KCNS1: variants seen among roughly 807,000 people sequenced by gnomAD.
The protein encoded by KCNS1 is delayed-rectifier potassium channel regulatory subunit KCNS1.
In KCNS1, 26 loss-of-function variants were observed where a neutral mutation model predicts 33.1. The ratio of observed to expected loss-of-function variants is 0.79; its 90% CI spans 0.58 to 1.09. The LOEUF (loss-of-function observed/expected upper bound fraction) is 1.09, where lower values mean the gene tolerates loss of function less well. Ranked by LOEUF, KCNS1 falls within the 50% of genes least tolerant of loss-of-function variation. The probability of loss-of-function intolerance (pLI) is 0.00; values close to 1 mark genes in which losing one functional copy is unlikely to be tolerated. For synonymous variants in KCNS1, 299 were observed against 338.8 expected (o/e 0.88, Z 1.29); for missense variants, 702 against 752.4 (o/e 0.93, Z 0.78).
In KCNS1 at chr20:45,091,898, A is replaced by T. The variant is rs903815923; in HGVS notation, c.*2972T>A. Among the ~76,000 whole-genome samples, 3 of 152,180 alleles carry T rather than the reference A, an allele frequency of 2.0e-5. No individual in the cohort carries two copies. In the East Asian group the frequency reaches 5.8e-4, roughly 29 times the overall value. ...CCAGAGGGAGGGTGGCCCTGCTGAC[A>T]TCTTGATTTTGGATTTCTGGCCTCC... is the stretch of plus-strand genomic sequence containing the variant. On this transcript the variant is annotated 3_prime_UTR_variant, in exon 4 of 4. Coordinates refer to ENST00000537075, the MANE Select transcript of KCNS1 (RefSeq NM_001322799.2).
chr20:45,099,140 A>G, intron 2 of KCNS1, 21 bp downstream of exon 2: 8 of 1,550,430 alleles, frequency 5.2e-6, no homozygotes, highest in Non-Finnish European at 7.0e-6. Flanking sequence ...TCTTCTGCAA[A>G]ATGAGGATAG....
At chr20:45,100,064 T>C (rs1273984852) in intron 1 of KCNS1, 3 of 152,286 alleles carry the variant, frequency 2.0e-5, no homozygotes, top group African/African-American at 4.8e-5. Flanking sequence ...TGCATCATTA[T>C]TGTGGTATAT....
Position 45,098,055 on chromosome 20 carries a change from G to T in KCNS1, c.717C>A (p.Ile239=), listed in dbSNP as rs1337151442. ...GGGCCTGGTACTCGGGCAGGCTGTG[G>T]ATGCACATGGCGGCGATGGAGGCGA... The part of the protein sequence containing the change: ...VVLASIAAMC[I]HSLPEYQARE... Residue 239 remains isoleucine (I), a synonymous_variant, in exon 3 of 4, where the codon ATC becomes ATA. Coordinates refer to ENST00000537075, the MANE Select transcript of KCNS1 (RefSeq NM_001322799.2). The surrounding 1 kb of genome is among the most constrained non-coding windows in gnomAD (Gnocchi z 5.2). 2 of 1,545,574 alleles carry T rather than the reference G, an allele frequency of 1.3e-6. No homozygotes were observed. Among genetic ancestry groups the T allele is most frequent in the Admixed American group, 2.0e-5 (1 of 50,528 alleles).
At position 45,098,331 on chromosome 20, in the gene KCNS1, C is replaced by T; in HGVS notation, c.441G>A (p.Ala147=). Residue 147 remains alanine, a synonymous_variant, in exon 3 of 4, where the codon GCG becomes GCA. Transcript: ENST00000537075. The surrounding 1 kb of genome is among the most constrained non-coding windows in gnomAD (Gnocchi z 5.2). The stretch of plus-strand genomic sequence containing the variant: ...AGCGCGCGCGGCAGCACGCGGCAAG[C>T]GCGTTCTCGCCTAGGCCCCAGTAGT... ...EADYWGLGEN[A]LAACCRARYL... 15 of 1,571,478 alleles carry T rather than the reference C, an allele frequency of 9.5e-6. No individual in the cohort carries two copies. Among genetic ancestry groups the T allele is most frequent in the Non-Finnish European group, 1.2e-5 (14 of 1,159,830 alleles).
intron 3 of KCNS1, among the ~76,000 whole-genome samples, 179 bp from the exon 4 acceptor site, chr20:45,095,519 A>C (rs1197234838): frequency 6.6e-6 from 1 of 152,212 alleles, no homozygotes; most frequent in African/African-American, 2.4e-5. Context: ...TACAGTTGGC[A>C]GCAAAACCCC....
At chr20:45,097,583 G>A (rs760177139) in intron 3 of KCNS1, 79 bp downstream of exon 3, 6 of 1,392,820 alleles carry the variant, frequency 4.3e-6, no homozygotes, top group South Asian at 1.4e-5. Context: ...GGACTCGGCA[G>A]GCTTGTAAGT....
rs1180560276 is a variant in KCNS1 at position 45,098,197 on chromosome 20, G to C, written c.575C>G (p.Ala192Gly). The C allele has an allele frequency of 5.6e-6, 9 of 1,604,712 alleles. No individual in the cohort carries two copies. Among genetic ancestry groups the C allele is most frequent in the African/African-American group, 2.7e-5 (2 of 74,750 alleles). The stretch of plus-strand genomic sequence containing the variant: ...GCCACAGCGCGCCGCGCCATAGCGC[G>C]CCAGTTCTCGCTGCACGTCGGAGAT... ...DEISDVQREL[A>G]RYGAARCGRL... Residue 192 changes from alanine (A) to glycine (G), a missense_variant, in exon 3 of 4, where the codon GCG becomes GGG. This residue lies in a region of KCNS1 where 374 missense variants were observed against 352.3 expected (regional missense o/e 1.06). Transcript: ENST00000537075. The surrounding 1 kb of genome is among the most constrained non-coding windows in gnomAD (Gnocchi z 5.2).
chr20:45,096,931 G>A (rs551180863), intron 3 of KCNS1, among the ~76,000 whole-genome samples: 30 of 152,278 alleles, frequency 2.0e-4, no homozygotes, highest in African/African-American at 6.7e-4. Flanking sequence ...TCCAGGCCTC[G>A]GCACACGCCG....
In KCNS1 at chr20:45,097,861, G is replaced by T. The variant is rs758213886; in HGVS notation, c.911C>A (p.Pro304Gln). The T allele has an allele frequency of 1.5e-5, 24 of 1,613,192 alleles. No homozygotes were observed. The highest frequency in any genetic ancestry group is 1.9e-5 in the Non-Finnish European group (23 of 1,179,792). The change falls in exon 3 of 4, where the codon CCG (proline) becomes CAG (glutamine). Residue 304 changes from proline to glutamine, a missense_variant. Pro to Gln is a moderately conservative substitution (Grantham distance 76). Coordinates refer to ENST00000537075, the MANE Select transcript of KCNS1 (RefSeq NM_001322799.2). Reference sequence around the variant, plus strand: ...AGACACAATGTCGATGAGGTTGAGCGGGTGGCAGAAGAAGTTGCGCGTACT... The same window carrying T: ...AGACACAATGTCGATGAGGTTGAGCTGGTGGCAGAAGAAGTTGCGCGTACT... ...APSTRNFFCH[P>Q]LNLIDIVSVL...
Position 45,094,628 on chromosome 20 carries a change from C to T in KCNS1, c.*242G>A. ...TCCTTTCAACTTCCTCCCTCTGGCT[C>T]ATGCCTGCTTCATGAATGGCTTGGA... is the stretch of plus-strand genomic sequence containing the variant. On this transcript the variant is annotated 3_prime_UTR_variant, in exon 4 of 4. Transcript: ENST00000537075. 1 of 498,460 alleles carries T rather than the reference C, an allele frequency of 2.0e-6. No individual in the cohort carries two copies. The highest frequency in any genetic ancestry group is 1.9e-5 in the African/African-American group (1 of 52,014). The allele number at this position is 498,460 out of a possible 1,614,324, so 30.9% of individuals were successfully genotyped here. A position where few individuals can be genotyped will look rare whatever the true frequency, so the allele number is the denominator to read the frequency against.
Position 45,098,154 on chromosome 20 carries a change from G to C in KCNS1, c.618C>G (p.Leu206=), listed in dbSNP as rs1396398188. 6.3e-7 allele frequency: 1 copy of C among 1,598,230 alleles called. No individual in the cohort carries two copies. The change falls in exon 3 of 4, where the codon CTC becomes CTG. Residue 206 remains leucine (L), a synonymous_variant. Transcript: ENST00000537075. The surrounding 1 kb of genome is among the most constrained non-coding windows in gnomAD (Gnocchi z 5.2). The part of the protein sequence containing the change: ...AARCGRLRRR[L]WLTMENPGYS... ...AGCCCGGGTTCTCCATGGTCAGCCA[G>C]AGGCGGCGGCGCAGGCGGCCACAGC...
intron 1 of KCNS1, chr20:45,100,486 A>G (rs1981356278): frequency 6.6e-6 from 1 of 152,226 alleles, no homozygotes; most frequent in Non-Finnish European, 1.5e-5. Context: ...AGGATAATTA[A>G]TTCAACAAAC....
intron 1 of KCNS1, among the ~76,000 whole-genome samples, chr20:45,100,682 G>A (rs910146090): frequency 5.9e-5 from 9 of 152,070 alleles, no homozygotes; most frequent in African/African-American, 1.9e-4. Context: ...CACCTCACTC[G>A]GTTTAATCCC....
At chr20:45,099,268 C>T (rs1194804869) in intron 1 of KCNS1, 29 bp from the exon 2 acceptor site, 2 of 1,185,122 alleles carry the variant, frequency 1.7e-6, no homozygotes, top group Admixed American at 4.0e-5. Context: ...TGCAAATTCT[C>T]AGCCTGCCAT....
rs1230232113 is a variant in KCNS1 at position 45,092,009 on chromosome 20, C to T, written c.*2861G>A. On this transcript the variant is annotated 3_prime_UTR_variant, in exon 4 of 4. Coordinates refer to ENST00000537075, the MANE Select transcript of KCNS1 (RefSeq NM_001322799.2). ...CAGCAGCTGCTGGAAACTAATATATCTTCCAATAAATTCATTTTTTGCTTG... is the reference window on the plus strand; with the variant it reads ...CAGCAGCTGCTGGAAACTAATATATTTTCCAATAAATTCATTTTTTGCTTG... Among the ~76,000 whole-genome samples the T allele has an allele frequency of 6.6e-6, 1 of 152,216 alleles. No homozygotes were observed. The highest frequency in any genetic ancestry group is 1.5e-5 in the Non-Finnish European group (1 of 68,042).
chr20:45,097,428 C>T (rs1186970882), intron 3 of KCNS1, among the ~76,000 whole-genome samples: 6 of 152,218 alleles, frequency 3.9e-5, no homozygotes, highest in African/African-American at 9.7e-5. Context: ...AAGCTATGCC[C>T]CAGTTTTCTC....
chr20:45,099,862 A>C (rs1183655875), intron 1 of KCNS1, among the ~76,000 whole-genome samples: 1 of 152,178 alleles, frequency 6.6e-6, no homozygotes, highest in Non-Finnish European at 1.5e-5. Context: ...CACCACTGGC[A>C]ATCTCATTTG....
In KCNS1 at chr20:45,094,841, G is replaced by A; in HGVS notation, c.*29C>T. ...CAGGGGAGGAATCTCTACTGTAGGG[G>A]CATGGCAGGGGGTCACGGATCCCTG... is the stretch of plus-strand genomic sequence containing the variant. On this transcript the variant is annotated 3_prime_UTR_variant, in exon 4 of 4. Transcript: ENST00000537075. The A allele has an allele frequency of 6.5e-7, 1 of 1,548,262 alleles. No homozygotes were observed. Among genetic ancestry groups the A allele is most frequent in the Non-Finnish European group, 8.8e-7 (1 of 1,132,578 alleles).
intron 3 of KCNS1, among the ~76,000 whole-genome samples, chr20:45,096,728 G>A (rs1981196681): frequency 6.6e-6 from 1 of 152,168 alleles, no homozygotes; most frequent in Non-Finnish European, 1.5e-5. Context: ...TTCCACCTCT[G>A]CAAAGCAGTG....
Sources: allele counts gnomAD v4.1 joint callset (sites outside exome capture counted in the v4.1 genomes callset), GRCh38; gene constraint gnomAD v4.1.1; regional missense constraint gnomAD v4.1.1; non-coding constraint Gnocchi (gnomAD v3.1); transcripts MANE v1.5; gene names NCBI Gene and HGNC (gene_info 2026-07-23, HGNC 2026-07-21).